LINGO1: variants seen among roughly 807,000 people sequenced by gnomAD.
LINGO1 encodes leucine rich repeat and Ig domain containing 1, also known as leucine-rich repeat and immunoglobulin-like domain-containing nogo receptor-interacting protein 1.
LINGO1 carries 11 observed loss-of-function variants against 37.3 expected under a neutral mutation model. The observed-to-expected ratio is 0.29, with a 90% CI of 0.19 to 0.49. LINGO1 has a LOEUF of 0.49. Among genes scored for constraint, LINGO1 ranks in the 20% least tolerant of loss-of-function variants. The pLI, the probability that LINGO1 is intolerant of heterozygous loss-of-function variation, is 0.99. For synonymous variants in LINGO1, 387 were observed against 403.0 expected, an observed-to-expected ratio of 0.96 and a Z score of 0.48; for missense variants, 585 against 878.2, an observed-to-expected ratio of 0.67 and a Z score of 4.22.
intron 1 of LINGO1, among the ~76,000 whole-genome samples, chr15:77,743,969 C>T (rs2076289486): frequency 6.6e-6 from 1 of 152,204 alleles, no homozygotes; most frequent in South Asian, 2.1e-4. Context: ...ATTTCTTGAG[C>T]ATCTACTATA....
chr15:77,776,448 A>AGCAGGAAGGCAGGAAG lies in LINGO1; in HGVS notation c.-257+10405_-257+10420dup, dbSNP rs767799691. 7.8e-4 allele frequency among the ~76,000 whole-genome samples: 81 copies of AGCAGGAAGGCAGGAAG among 103,834 alleles called. 2 individuals carry two copies. The highest frequency in any genetic ancestry group is 8.9e-3 in the Middle Eastern group (2 of 224). The allele number at this position is 103,834 out of a possible 152,430, so 68.1% of individuals were successfully genotyped here. A position where few individuals can be genotyped will look rare whatever the true frequency, so the allele number is the denominator to read the frequency against. On this transcript the variant is annotated intron_variant, in intron 1 of 3. Transcript: ENST00000561686. ...GGCAGGTCACCTGTCCCGGGGCTTT[A>AGCAGGAAGGCAGGAAG]GCAGGAAGGCAGGAAGGCAGGAAGG...
chr15:77,644,159 T>C (rs945112187), intron 3 of LINGO1, among the ~76,000 whole-genome samples: 3 of 152,222 alleles, frequency 2.0e-5, no homozygotes, highest in Non-Finnish European at 4.4e-5. Flanking sequence ...CTGTGTTGTG[T>C]TGTCGAACTC....
chr15:77,620,992 C>T (rs768498038), intron 1 of LINGO1, among the ~76,000 whole-genome samples: 29 of 152,102 alleles, frequency 1.9e-4, no homozygotes, highest in Admixed American at 1.3e-3. Flanking sequence ...ATCCACCAGA[C>T]ACCTTCTTTA....
intron 2 of LINGO1, among the ~76,000 whole-genome samples, chr15:77,792,377 A>C: frequency 6.7e-6 from 1 of 150,308 alleles, no homozygotes; most frequent in African/African-American, 2.5e-5. Context: ...TTGCCCACCC[A>C]CCCTACAGTC....
intron 2 of LINGO1, among the ~76,000 whole-genome samples, chr15:77,708,351 T>C (rs1435239040): frequency 6.6e-6 from 1 of 152,024 alleles, no homozygotes; most frequent in African/African-American, 2.4e-5. Context: ...TGGAACCCTG[T>C]TGGGGCAGAG....
chr15:77,652,561 T>G (rs551266295), intron 3 of LINGO1, among the ~76,000 whole-genome samples: 3 of 149,624 alleles, frequency 2.0e-5, no homozygotes, highest in South Asian at 4.3e-4. Flanking sequence ...CATTTCCCTG[T>G]GTCAATATAT....
chr15:77,813,847 TATACAC>T (rs1456718217), intron 1 of LINGO1, among the ~76,000 whole-genome samples: 4 of 152,180 alleles, frequency 2.6e-5, no homozygotes, highest in Admixed American at 2.6e-4. Flanking sequence ...TGTCTAAGGT[TATACAC>T]CTTACACAAA....
At chr15:77,759,164 T>C (rs1379307899) in intron 1 of LINGO1, among the ~76,000 whole-genome samples, 2 of 152,240 alleles carry the variant, frequency 1.3e-5, no homozygotes, top group Admixed American at 6.5e-5. Flanking sequence ...CCCATGTGTG[T>C]GCAGCCACCC....
chr15:77,808,736 T>G (rs547919452), intron 1 of LINGO1, among the ~76,000 whole-genome samples: 1 of 152,290 alleles, frequency 6.6e-6, no homozygotes, highest in East Asian at 1.9e-4. Flanking sequence ...AGTTTCCTCA[T>G]CTGTTAAATG....
At chr15:77,809,800 T>G (rs1358522548) in intron 1 of LINGO1, among the ~76,000 whole-genome samples, 2 of 152,154 alleles carry the variant, frequency 1.3e-5, no homozygotes, top group Non-Finnish European at 2.9e-5. Flanking sequence ...GAAGAAACAT[T>G]TGCCCAGGAG....
chr15:77,667,132 A>C (rs1168066352), intron 3 of LINGO1: 1 of 152,340 alleles, frequency 6.6e-6, no homozygotes, highest in African/African-American at 2.4e-5. Flanking sequence ...AGCCTTTCTG[A>C]TCCTAACAGT....
rs950738333 is a variant in LINGO1, at chr15:77,728,202, C to T, written c.-195+6790G>A. The stretch of plus-strand genomic sequence containing the variant: ...AGGTCTGGCGGTGATCGATCCTGCC[C>T]AGGTGCAGGCATTTTAGGCAGCTGC... On this transcript the variant is annotated intron_variant, in intron 2 of 3. Coordinates refer to the LINGO1 transcript ENST00000561686. 2.0e-5 allele frequency among the ~76,000 whole-genome samples: 3 copies of T among 152,226 alleles called. No homozygotes were observed. In the East Asian group the frequency reaches 5.8e-4, roughly 29 times the overall value.
At chr15:77,813,450 C>A (rs747504100) in intron 1 of LINGO1, among the ~76,000 whole-genome samples, 2 of 152,102 alleles carry the variant, frequency 1.3e-5, no homozygotes, top group African/African-American at 4.8e-5. Context: ...AGAACGCCAG[C>A]CTGGAGGTAA....
chr15:77,654,268 T>C (rs977627592), intron 3 of LINGO1, among the ~76,000 whole-genome samples: 3 of 152,258 alleles, frequency 2.0e-5, no homozygotes, highest in Non-Finnish European at 4.4e-5. Context: ...ATTTTGAGGT[T>C]GTTTGTTACT....
intron 1 of LINGO1, among the ~76,000 whole-genome samples, chr15:77,805,439 G>A (rs1424264397): frequency 6.6e-6 from 1 of 152,212 alleles, no homozygotes; most frequent in Non-Finnish European, 1.5e-5. Flanking sequence ...CAGGTCCCCA[G>A]AGTCTGATGC....
At chr15:77,748,712 T>C (rs1011278371) in intron 1 of LINGO1, among the ~76,000 whole-genome samples, 45 of 151,968 alleles carry the variant, frequency 3.0e-4, no homozygotes, top group African/African-American at 9.4e-4. Context: ...TTTTCTTTTA[T>C]TGGGGGTGCG....
chr15:77,746,687 G>A (rs764564662), intron 1 of LINGO1, among the ~76,000 whole-genome samples: 28 of 152,144 alleles, frequency 1.8e-4, no homozygotes, highest in Non-Finnish European at 3.2e-4. Flanking sequence ...GGAGCCAGCC[G>A]CGCCATTGGC....
intron 1 of LINGO1, among the ~76,000 whole-genome samples, chr15:77,764,739 C>G: frequency 6.6e-6 from 1 of 152,218 alleles, no homozygotes; most frequent in East Asian, 1.9e-4. Context: ...GATGCAAGCA[C>G]TGGGGGGAAC....
chr15:77,696,326 C>A (rs2075693482), intron 1 of LINGO1: 1 of 152,240 alleles, frequency 6.6e-6, no homozygotes, highest in Non-Finnish European at 1.5e-5. Flanking sequence ...GGGTGCCCGC[C>A]TCCCTTCCCT....
Sources: allele counts gnomAD v4.1 joint callset (sites outside exome capture counted in the v4.1 genomes callset), GRCh38; gene constraint gnomAD v4.1.1; transcripts MANE v1.5; gene names NCBI Gene and HGNC (gene_info 2026-07-23, HGNC 2026-07-21).